The following PMPCB variants were observed in gnomAD, a reference collection of about 807,000 sequenced individuals.
The protein encoded by PMPCB is peptidase, mitochondrial processing subunit beta.
A neutral mutation model predicts 61.5 loss-of-function variants in PMPCB; 46 were observed. That is an observed-to-expected ratio of 0.75 (90% CI 0.59 to 0.96). The LOEUF (loss-of-function observed/expected upper bound fraction) is 0.96. Among genes scored for constraint, PMPCB ranks in the 40% least tolerant of loss-of-function variants. PMPCB has a pLI of 0.00. For missense variants in PMPCB, 590 were observed against 602.4 expected (o/e 0.98, Z 0.22); for synonymous variants, 191 against 201.6 (o/e 0.95, Z 0.44).
Position 103,310,470 on chromosome 7 carries a change from A to G in PMPCB, c.1149A>G (p.Lys383=), listed in dbSNP as rs777654918. The part of the protein sequence containing the change: ...TVADMLHVVQ[K]EWMRLCTSVT... ...CAGACATGCTACATGTTGTTCAAAA[A>G]GAATGGTGAGAAAAATAGCTTTAAG... is the stretch of plus-strand genomic sequence containing the variant. The change falls in exon 9 of 13, where the codon AAA becomes AAG. Residue 383 remains lysine (K), a synonymous_variant. Coordinates refer to ENST00000249269, the MANE Select transcript of PMPCB (RefSeq NM_004279.3). 6.3e-7 allele frequency: 1 copy of G among 1,597,434 alleles called. No individual in the cohort carries two copies. Among genetic ancestry groups the G allele is most frequent in the African/African-American group, 1.3e-5 (1 of 74,270 alleles).
At chr7:103,334,012 G>A (rs1020210961), downstream of PMPCB, among the ~76,000 whole-genome samples, 6 of 150,232 alleles carry the variant, frequency 4.0e-5, no homozygotes, top group East Asian at 2.0e-4. Flanking sequence ...GTGCAGTGGC[G>A]TGATCTCAGC....
chr7:103,304,852 G>T (rs1817536806), intron 6 of PMPCB, among the ~76,000 whole-genome samples: 1 of 151,944 alleles, frequency 6.6e-6, no homozygotes, highest in Non-Finnish European at 1.5e-5. Flanking sequence ...CCAGCTACTC[G>T]GGAGGCTGAG....
chr7:103,335,401 C>CT, the PMPCB span: 1 of 152,168 alleles, frequency 6.6e-6, no homozygotes, highest in African/African-American at 2.4e-5. Flanking sequence ...TAAATAAAGA[C>CT]TGACGGAATA....
downstream of PMPCB, chr7:103,317,142 A>C: frequency 1.3e-6 from 1 of 790,694 alleles, no homozygotes; most frequent in Non-Finnish European, 2.0e-6. Flanking sequence ...TACTCCTCTC[A>C]GGCCAACCCA....
At chr7:103,301,701 C>T (rs1015722134) in intron 4 of PMPCB, among the ~76,000 whole-genome samples, 1 of 152,128 alleles carries the variant, frequency 6.6e-6, no homozygotes, top group African/African-American at 2.4e-5. Context: ...GGGTTTTTCA[C>T]CCTTCACCCT....
At position 103,314,651 on chromosome 7, in the gene PMPCB, AC is replaced by A; in HGVS notation, c.*2382del. 2 of 985,348 alleles carry A rather than the reference AC, an allele frequency of 2.0e-6. No individual in the cohort carries two copies. The highest frequency in any genetic ancestry group is 2.4e-6 in the Non-Finnish European group (2 of 829,880). 61.0% of individuals were successfully genotyped at this position (985,348 alleles called of 1,614,324 possible). On this transcript the variant is annotated 3_prime_UTR_variant, in exon 13 of 13. Coordinates refer to ENST00000249269, the MANE Select transcript of PMPCB (RefSeq NM_004279.3). Reference sequence around the variant, plus strand: ...GTTCTGAAACCCTGCCTTGTTACTTACCTTTATTAAAAGAACCGAAATAATG... The same window carrying A: ...GTTCTGAAACCCTGCCTTGTTACTTACTTTATTAAAAGAACCGAAATAATG...
Position 103,312,169 on chromosome 7 carries a change from C to T in PMPCB, c.1405+38C>T, listed in dbSNP as rs185539852. On this transcript the variant is annotated intron_variant, in intron 12 of 12. Coordinates refer to ENST00000249269, the MANE Select transcript of PMPCB (RefSeq NM_004279.3). ...TCTTTTCTTCTATGCAAAAAGTTGG[C>T]CAAGTACTTTTAATTAACTCTTCTT... is the stretch of plus-strand genomic sequence containing the variant. The T allele has an allele frequency of 2.5e-6, 4 of 1,613,926 alleles. No individual in the cohort carries two copies. In the East Asian group the frequency reaches 8.9e-5, roughly 36 times the overall value.
At chr7:103,333,641 T>C (rs1222112821), downstream of PMPCB, among the ~76,000 whole-genome samples, 1 of 152,186 alleles carries the variant, frequency 6.6e-6, no homozygotes, top group Non-Finnish European at 1.5e-5. Flanking sequence ...AAAAGTTCCC[T>C]TGTACCCTTT....
chr7:103,327,283 C>T (rs201977771), intron 12 of PMPCB: 10 of 1,006,510 alleles, frequency 9.9e-6, no homozygotes, highest in South Asian at 1.4e-5. Flanking sequence ...GCATCTGAAA[C>T]GAAAAAAAAA....
In PMPCB at chr7:103,313,724, G is replaced by A; in HGVS notation, c.*1453G>A. On this transcript the variant is annotated 3_prime_UTR_variant, in exon 13 of 13. Coordinates refer to ENST00000249269, the MANE Select transcript of PMPCB (RefSeq NM_004279.3). Reference sequence around the variant, plus strand: ...AACACTTCCAATAACTGCTATTGTGGTTCTTCAACTAAACCTTGTATATTT... The same window carrying A: ...AACACTTCCAATAACTGCTATTGTGATTCTTCAACTAAACCTTGTATATTT... 1 of 985,144 alleles carries A rather than the reference G, an allele frequency of 1.0e-6. No homozygotes were observed. The highest frequency in any genetic ancestry group is 1.2e-6 in the Non-Finnish European group (1 of 829,852). 61.0% of individuals were successfully genotyped at this position (985,144 alleles called of 1,614,324 possible).
chr7:103,298,770 T>G, intron 2 of PMPCB, 62 bp downstream of exon 2: 1 of 1,518,034 alleles, frequency 6.6e-7, no homozygotes, highest in Non-Finnish European at 9.0e-7. Flanking sequence ...ATTGTTGATT[T>G]TAATCTTTAG....
chr7:103,344,705 T>C, the PMPCB span: 8 of 1,437,056 alleles, frequency 5.6e-6, no homozygotes, highest in South Asian at 9.2e-5. Context: ...GCTCTACCTC[T>C]CACTCCGAGC....
the PMPCB span, chr7:103,337,655 A>T: frequency 8.8e-7 from 1 of 1,139,276 alleles, no homozygotes; most frequent in Non-Finnish European, 1.3e-6. Flanking sequence ...GCAGACTATG[A>T]TACTGTATAT....
the PMPCB span, among the ~76,000 whole-genome samples, chr7:103,342,797 A>C: frequency 1.3e-5 from 2 of 150,924 alleles, no homozygotes; most frequent in African/African-American, 4.9e-5. Flanking sequence ...TTTAGTAAAG[A>C]CGGGGTTTCA....
intron 12 of PMPCB, chr7:103,324,376 G>T: frequency 2.0e-6 from 2 of 1,010,948 alleles, no homozygotes; most frequent in Non-Finnish European, 1.4e-6. Flanking sequence ...TTCAGTGAAG[G>T]TTCTGCAATT....
At chr7:103,300,383 G>A in intron 4 of PMPCB, 76 bp downstream of exon 4, 5 of 1,193,088 alleles carry the variant, frequency 4.2e-6, no homozygotes, top group Non-Finnish European at 5.8e-6. Context: ...TTTTTATTAT[G>A]TCTGTTGTAA....
chr7:103,335,538 C>CTTTTT, the PMPCB span: 1 of 140,182 alleles, frequency 7.1e-6, no homozygotes. Context: ...TTCTTTCTTT[C>CTTTTT]TTTTTTTTTT....
chr7:103,310,349 A>G lies in PMPCB; in HGVS notation c.1028A>G (p.His343Arg), dbSNP rs768828351. The change falls in exon 9 of 13, where the codon CAT (histidine) becomes CGT (arginine). Residue 343 changes from histidine (H) to arginine (R), a missense_variant. Physicochemically the swap from His to Arg is conservative, Grantham distance 29. Transcript: ENST00000249269. The part of the protein sequence containing the change: ...LSSKLAQLTC[H>R]GNLCHSFQSF... ...AGCAAGCTGGCCCAGCTCACTTGTC[A>G]TGGCAATCTTTGCCATAGCTTTCAG... 6.2e-7 allele frequency: 1 copy of G among 1,613,886 alleles called. No homozygotes were observed. Among genetic ancestry groups the G allele is most frequent in the Non-Finnish European group, 8.5e-7 (1 of 1,179,874 alleles).
In PMPCB at chr7:103,314,266, T is replaced by G. The variant is rs1250779175; in HGVS notation, c.*1995T>G. ...GTATTTCCTGCTGTTCTCCAGTTAC[T>G]TCACAATACCAAAATAAATTAAACG... is the stretch of plus-strand genomic sequence containing the variant. On this transcript the variant is annotated 3_prime_UTR_variant, in exon 13 of 13. Coordinates refer to ENST00000249269, the MANE Select transcript of PMPCB (RefSeq NM_004279.3). The G allele has an allele frequency of 2.0e-6, 2 of 985,328 alleles. No individual in the cohort carries two copies. The highest frequency in any genetic ancestry group is 2.4e-6 in the Non-Finnish European group (2 of 829,942). 61.0% of individuals were successfully genotyped at this position (985,328 alleles called of 1,614,324 possible).
Sources: gnomAD v4.1 joint callset for allele counts (sites outside exome capture counted in the v4.1 genomes callset) on GRCh38, gnomAD v4.1.1 for gene constraint, MANE v1.5 for transcripts, NCBI Gene and HGNC (gene_info 2026-07-23, HGNC 2026-07-21) for gene names.